ISY1: variants seen among roughly 807,000 people sequenced by gnomAD.
ISY1 encodes ISY1 spliceosome associated protein.
A neutral mutation model predicts 54.4 loss-of-function variants in ISY1; 12 were observed. That is an observed-to-expected ratio of 0.22 (90% CI 0.14 to 0.36). The LOEUF (loss-of-function observed/expected upper bound fraction) is 0.36, where lower values mean the gene tolerates loss of function less well. Among genes scored for constraint, ISY1 ranks in the 10% least tolerant of loss-of-function variants. The pLI, the probability that ISY1 is intolerant of heterozygous loss-of-function variation, is 1.00. For missense variants in ISY1, 282 were observed against 342.2 expected, an observed-to-expected ratio of 0.82 and a Z score of 1.39; for synonymous variants, 96 against 117.9, an observed-to-expected ratio of 0.81 and a Z score of 1.20.
At chr3:129,130,302 T>TA (rs2107598142) in intron 10 of ISY1, 114 bp from the exon 11 acceptor site, 1 of 1,388,914 alleles carries the variant, frequency 7.2e-7, no homozygotes, top group African/African-American at 1.4e-5. Flanking sequence ...CTGATTTAAA[T>TA]ACGCAGAATA....
Position 129,154,159 on chromosome 3 carries a change from G to A in ISY1, c.187+2474C>T, listed in dbSNP as rs546505979. 2.7e-5 allele frequency among the ~76,000 whole-genome samples: 4 copies of A among 150,504 alleles called. No homozygotes were observed. In the South Asian group the frequency reaches 6.4e-4, roughly 24 times the overall value. ...CGGGAGGCTGAGGCAGGAGAATGGC[G>A]TGAACCCCGGGGGGCGGAGCCTGCA... On this transcript the variant is annotated intron_variant, in intron 5 of 10. Coordinates refer to ENST00000393295, the MANE Select transcript of ISY1 (RefSeq NM_020701.4).
In ISY1 at chr3:129,149,611, ATATATATATAT is replaced by A. The variant is rs568029678; in HGVS notation, c.188-3749_188-3739del. Among the ~76,000 whole-genome samples, 14 of 43,544 alleles carry A rather than the reference ATATATATATAT, an allele frequency of 3.2e-4. 1 individual carries two copies. The highest frequency in any genetic ancestry group is 1.5e-3 in the African/African-American group (14 of 9,446). The allele number at this position is 43,544 out of a possible 152,430, so 28.6% of individuals were successfully genotyped here. On this transcript the variant is annotated intron_variant, in intron 5 of 10. Coordinates refer to ENST00000393295, the MANE Select transcript of ISY1 (RefSeq NM_020701.4). ...AAAAAAAAAAAAAAAAAAAAAAAAA[ATATATATATAT>A]ATATATATATATATACACAAAAAAA...
intron 5 of ISY1, among the ~76,000 whole-genome samples, chr3:129,146,949 C>T (rs1461884361): frequency 6.6e-6 from 1 of 151,788 alleles, no homozygotes; most frequent in East Asian, 1.9e-4. Flanking sequence ...GTTCCAGCTA[C>T]TTGGGAGACT....
At chr3:129,130,901 G>A (rs1936220149) in intron 9 of ISY1, among the ~76,000 whole-genome samples, 1 of 152,166 alleles carries the variant, frequency 6.6e-6, no homozygotes, top group Non-Finnish European at 1.5e-5. Context: ...GACAGGGTGA[G>A]GAAAGAGAAT....
At chr3:129,160,628 ATCT>A (rs1265541800) in intron 1 of ISY1, among the ~76,000 whole-genome samples, 1 of 152,106 alleles carries the variant, frequency 6.6e-6, no homozygotes, top group African/African-American at 2.4e-5. Flanking sequence ...ACTGCTCTTA[ATCT>A]TCTCTGTGGT....
chr3:129,150,974 A>G (rs1560021163), intron 5 of ISY1, among the ~76,000 whole-genome samples: 1 of 151,126 alleles, frequency 6.6e-6, no homozygotes, highest in African/African-American at 2.4e-5. Context: ...AAAATACAAA[A>G]ATCAGCCAGG....
At chr3:129,151,607 T>C (rs1425168496) in intron 5 of ISY1, among the ~76,000 whole-genome samples, 2 of 152,104 alleles carry the variant, frequency 1.3e-5, no homozygotes, top group East Asian at 1.9e-4. Flanking sequence ...TCAGCCTGGG[T>C]GACAGAGCGA....
At chr3:129,137,727 G>A (rs1052618057) in intron 7 of ISY1, among the ~76,000 whole-genome samples, 5 of 151,598 alleles carry the variant, frequency 3.3e-5, no homozygotes, top group Non-Finnish European at 5.9e-5. Context: ...TGGCTAACAC[G>A]GTGAAACCCC....
At chr3:129,132,353 A>C (rs986153558) in intron 9 of ISY1, among the ~76,000 whole-genome samples, 37 of 152,082 alleles carry the variant, frequency 2.4e-4, no homozygotes, top group African/African-American at 8.7e-4. Flanking sequence ...GAAAAGAAAA[A>C]AAAATTCTGC....
At chr3:129,151,946 GT>G (rs1260454916) in intron 5 of ISY1, among the ~76,000 whole-genome samples, 3 of 152,086 alleles carry the variant, frequency 2.0e-5, no homozygotes, top group Non-Finnish European at 4.4e-5. Context: ...ATCACCTGAG[GT>G]TGGGAATTCG....
In ISY1 at chr3:129,129,373, CT is replaced by C. The variant is rs62786261; in HGVS notation, c.*707del. The stretch of plus-strand genomic sequence containing the variant: ...TCATTGACTTGTGGGTTGCGTGCAT[CT>C]TTTTTTTTTTTTTTTTTTGGGACAG... On this transcript the variant is annotated 3_prime_UTR_variant, in exon 11 of 11. Coordinates refer to ENST00000393295, the MANE Select transcript of ISY1 (RefSeq NM_020701.4). The C allele has an allele frequency of 0.041, 5,662 of 136,450 alleles. 181 individuals are homozygous for C. The highest frequency in any genetic ancestry group is 0.11 in the African/African-American group (3,866 of 35,700). The allele number at this position is 136,450 out of a possible 1,614,324, so 8.5% of individuals were successfully genotyped here.
At chr3:129,130,271 G>T in intron 10 of ISY1, 83 bp from the exon 11 acceptor site, 1 of 1,491,648 alleles carries the variant, frequency 6.7e-7, no homozygotes, top group East Asian at 2.3e-5. Flanking sequence ...AAGTCCCCGT[G>T]GGAGAAGTCC....
intron 9 of ISY1, among the ~76,000 whole-genome samples, chr3:129,131,325 C>T (rs1936233815): frequency 6.6e-6 from 1 of 152,196 alleles, no homozygotes; most frequent in Non-Finnish European, 1.5e-5. Context: ...TGCACGGGAA[C>T]AAGAAAATTC....
intron 6 of ISY1, among the ~76,000 whole-genome samples, chr3:129,141,193 T>TTAAATAAATAAATAAA (rs113443810): frequency 7.9e-4 from 111 of 139,706 alleles, no homozygotes; most frequent in African/African-American, 2.7e-3. Flanking sequence ...CTGGAGTAAA[T>TTAAATAAATAAATAAA]TAAATAAATA....
intron 5 of ISY1, among the ~76,000 whole-genome samples, chr3:129,152,392 T>C (rs189627034): frequency 2.6e-4 from 40 of 152,258 alleles, no homozygotes; most frequent in African/African-American, 9.4e-4. Context: ...TTATCCTTTT[T>C]ATACATTGCT....
intron 1 of ISY1, 38 bp downstream of exon 1, chr3:129,160,935 C>G (rs1182334555): frequency 2.2e-6 from 1 of 454,330 alleles, no homozygotes; most frequent in Non-Finnish European, 4.4e-6. Context: ...CGCCCGCCCG[C>G]CCATCCACTC....
In ISY1 at chr3:129,161,050, C is replaced by T. The variant is rs767061044; in HGVS notation, c.-75G>A. The T allele has an allele frequency of 4.4e-5, 67 of 1,539,302 alleles. No homozygotes were observed. Among genetic ancestry groups the T allele is most frequent in the Non-Finnish European group, 5.7e-5 (65 of 1,142,832 alleles). On this transcript the variant is annotated 5_prime_UTR_variant, in exon 1 of 11. Coordinates refer to ENST00000393295, the MANE Select transcript of ISY1 (RefSeq NM_020701.4). ...ACTCCACAGGCCCAGAAGACGCCGACGCTCACAGGAACTGAAGATTCCAAC... is the reference window on the plus strand; with the variant it reads ...ACTCCACAGGCCCAGAAGACGCCGATGCTCACAGGAACTGAAGATTCCAAC...
At chr3:129,135,828 T>C (rs927591333) in intron 7 of ISY1, among the ~76,000 whole-genome samples, 1 of 151,422 alleles carries the variant, frequency 6.6e-6, no homozygotes, top group South Asian at 2.1e-4. Flanking sequence ...GAAATATGCA[T>C]CACAGTATTA....
intron 7 of ISY1, among the ~76,000 whole-genome samples, chr3:129,138,943 T>A (rs1052978200): frequency 5.1e-4 from 77 of 152,244 alleles, no homozygotes; most frequent in African/African-American, 1.7e-3. Context: ...TTTATAACTT[T>A]TTTTTGTTTG....
Sources: gnomAD v4.1 joint callset for allele counts (sites outside exome capture counted in the v4.1 genomes callset) on GRCh38, gnomAD v4.1.1 for gene constraint, MANE v1.5 for transcripts, NCBI Gene and HGNC (gene_info 2026-07-23, HGNC 2026-07-21) for gene names.